The following HEXIM2 variants were observed in gnomAD, a reference collection of about 807,000 sequenced individuals.
HEXIM2 encodes the protein HEXIM P-TEFb complex subunit 2, also known as protein HEXIM2.
For missense variants in HEXIM2, 413 were observed against 390.8 expected (o/e 1.06, Z -0.48); for synonymous variants, 159 against 162.7 (o/e 0.98, Z 0.17).
At chr17:45,165,770 T>C (rs1451506000) in intron 3 of HEXIM2, among the ~76,000 whole-genome samples, 1 of 135,494 alleles carries the variant, frequency 7.4e-6, no homozygotes, top group Non-Finnish European at 1.5e-5. Context: ...ATTTTATTTT[T>C]TAATTTAATT....
chr17:45,160,807 A>G (rs1448886638), upstream of HEXIM2: 2 of 743,674 alleles, frequency 2.7e-6, no homozygotes, highest in Non-Finnish European at 4.1e-6. Context: ...AGAGACCTTC[A>G]GGCACCGAGC....
Position 45,169,641 on chromosome 17 carries a change from T to C in HEXIM2, c.693T>C (p.Thr231=), listed in dbSNP as rs952295324. The part of the protein sequence containing the change: ...EKRLSQAEEE[T]RRLQQLQACT... ...GGCTGTCGCAGGCGGAGGAGGAGACTAGGAGGCTGCAGCAGCTGCAGGCGT... is the reference window on the plus strand; with the variant it reads ...GGCTGTCGCAGGCGGAGGAGGAGACCAGGAGGCTGCAGCAGCTGCAGGCGT... The change falls in exon 4 of 4, where the codon ACT becomes ACC. Residue 231 remains threonine, a synonymous_variant. Coordinates refer to ENST00000589230, the MANE Select transcript of HEXIM2 (RefSeq NM_001303441.2). 1.3e-6 allele frequency: 2 copies of C among 1,532,802 alleles called. No individual in the cohort carries two copies. The highest frequency in any genetic ancestry group is 1.4e-5 in the African/African-American group (1 of 72,054). 95.0% of individuals were successfully genotyped at this position (1,532,802 alleles called of 1,614,324 possible). A position where few individuals can be genotyped will look rare whatever the true frequency, so the allele number is the denominator to read the frequency against.
At chr17:45,166,840 A>G (rs1355383132) in intron 3 of HEXIM2, among the ~76,000 whole-genome samples, 2 of 152,126 alleles carry the variant, frequency 1.3e-5, no homozygotes, top group East Asian at 3.9e-4. Flanking sequence ...CCTGGCCAAC[A>G]TGGTGAAACC....
chr17:45,162,652 T>C lies in HEXIM2; in HGVS notation c.-45+17T>C, dbSNP rs1598129340. The stretch of plus-strand genomic sequence containing the variant: ...AGAATAAGGGTATGAAGGGCTGGGG[T>C]ACAAAATGGCTGCCACTGCCTGGGC... On this transcript the variant is annotated intron_variant, in intron 2 of 3. Transcript: ENST00000589230. The C allele has an allele frequency of 1.9e-6, 3 of 1,539,234 alleles. No homozygotes were observed. The East Asian group carries it at 7.0e-5, about 36-fold the overall frequency.
chr17:45,163,786 T>A (rs1410838699), intron 3 of HEXIM2, among the ~76,000 whole-genome samples: 1 of 151,830 alleles, frequency 6.6e-6, no homozygotes, highest in Non-Finnish European at 1.5e-5. Flanking sequence ...GATGCAGAGG[T>A]TGCAGTGAGC....
Position 45,162,817 on chromosome 17 carries a change from C to T in HEXIM2, c.24C>T (p.Thr8=), listed in dbSNP as rs186910629. Residue 8 remains threonine, a synonymous_variant, in exon 3 of 4, where the codon ACC becomes ACT. Coordinates refer to ENST00000589230, the MANE Select transcript of HEXIM2 (RefSeq NM_001303441.2). MMATPNQ[T]ACNAESPVAL... is the part of the protein sequence containing the mutation. ...AGATGATGGCCACTCCGAACCAGAC[C>T]GCCTGTAATGCAGAGTCACCAGTGG... 83 of 1,613,802 alleles carry T rather than the reference C, an allele frequency of 5.1e-5. No homozygotes were observed. Among genetic ancestry groups the T allele is most frequent in the African/African-American group, 8.0e-5 (6 of 75,000 alleles).
Position 45,169,263 on chromosome 17 carries a change from C to T in HEXIM2, c.315C>T (p.Tyr105=). The T allele has an allele frequency of 1.2e-6, 2 of 1,613,830 alleles. No individual in the cohort carries two copies. Among genetic ancestry groups the T allele is most frequent in the Admixed American group, 1.7e-5 (1 of 60,026 alleles). The change falls in exon 4 of 4, where the codon TAC becomes TAT. Residue 105 remains tyrosine (Y), a synonymous_variant. Transcript: ENST00000589230. ...AGCGCAAAAGGCACTGGCGACCCTA[C>T]CTGGAGCTGAGCTGGGCTGAGAAAC... ...PSKRKRHWRP[Y]LELSWAEKQQ...
chr17:45,168,751 A>G (rs1335746554), intron 3 of HEXIM2: 6 of 458,402 alleles, frequency 1.3e-5, no homozygotes, highest in Non-Finnish European at 1.9e-5. Flanking sequence ...ACTCAGTGCC[A>G]GGTATTATTC....
chr17:45,160,464 A>G (rs1033895098), upstream of HEXIM2, among the ~76,000 whole-genome samples: 1 of 152,180 alleles, frequency 6.6e-6, no homozygotes, highest in Admixed American at 6.6e-5. Flanking sequence ...CAAAGATTAC[A>G]TTGGAATTGG....
chr17:45,166,562 G>A (rs1000098491), intron 3 of HEXIM2, among the ~76,000 whole-genome samples: 1 of 152,164 alleles, frequency 6.6e-6, no homozygotes, highest in Non-Finnish European at 1.5e-5. Context: ...GACGAGATGC[G>A]TTCTCACATG....
chr17:45,161,681 C>T, upstream of HEXIM2: 1 of 233,378 alleles, frequency 4.3e-6, no homozygotes, highest in Non-Finnish European at 7.0e-6. Context: ...CACAGCTAAT[C>T]GTTGCCAAAA....
chr17:45,160,355 T>C (rs923472727), upstream of HEXIM2, among the ~76,000 whole-genome samples: 53 of 152,186 alleles, frequency 3.5e-4, no homozygotes, highest in African/African-American at 1.2e-3. Flanking sequence ...AAATTGAGGT[T>C]ACCTAGTAAC....
Position 45,163,597 on chromosome 17 carries a change from C to T in HEXIM2, c.66+738C>T, listed in dbSNP as rs572251775. On this transcript the variant is annotated intron_variant, in intron 3 of 3. Transcript: ENST00000589230. The stretch of plus-strand genomic sequence containing the variant: ...GAAGCAGGAAGAAGAGTTTTTGGTT[C>T]ATAATTTGGAATGGACCCAGGCAGG... 3.9e-5 allele frequency among the ~76,000 whole-genome samples: 6 copies of T among 152,282 alleles called. 1 individual carries two copies. The highest frequency in any genetic ancestry group is 1.4e-4 in the African/African-American group (6 of 41,562).
At chr17:45,160,759 C>T (rs749284843), upstream of HEXIM2, 11 of 454,716 alleles carry the variant, frequency 2.4e-5, no homozygotes, top group Middle Eastern at 3.3e-4. Context: ...TCCGGAGAAT[C>T]GGGGCTGAAT....
chr17:45,163,325 C>CAAAAAAA (rs11423159), intron 3 of HEXIM2, among the ~76,000 whole-genome samples: 2 of 78,798 alleles, frequency 2.5e-5, no homozygotes, highest in South Asian at 5.0e-4. Context: ...GACTCCGTCT[C>CAAAAAAA]AAAAAAAAAA....
chr17:45,161,766 G>C (rs1029186475), upstream of HEXIM2: 13 of 926,610 alleles, frequency 1.4e-5, no homozygotes, highest in Non-Finnish European at 1.7e-5. Flanking sequence ...CCCGCGCAAG[G>C]GTAGATGGGT....
upstream of HEXIM2, chr17:45,160,911 CG>C: frequency 7.8e-7 from 1 of 1,289,700 alleles, no homozygotes; most frequent in Non-Finnish European, 1.0e-6. Context: ...TTTCGCAACC[CG>C]GGCGGCGAGA....
chr17:45,163,738 A>C (rs1234799713), intron 3 of HEXIM2, among the ~76,000 whole-genome samples: 1 of 151,854 alleles, frequency 6.6e-6, no homozygotes, highest in African/African-American at 2.4e-5. Flanking sequence ...AATACCAGCT[A>C]CTCAGGAGGC....
chr17:45,163,318 T>C (rs2042754282), intron 3 of HEXIM2, among the ~76,000 whole-genome samples: 1 of 93,500 alleles, frequency 1.1e-5, no homozygotes, highest in South Asian at 3.5e-4. Flanking sequence ...AGAGCGAGAC[T>C]CCGTCTCAAA....
Sources: allele counts gnomAD v4.1 joint callset (sites outside exome capture counted in the v4.1 genomes callset), GRCh38; gene constraint gnomAD v4.1.1; transcripts MANE v1.5; gene names NCBI Gene and HGNC (gene_info 2026-07-23, HGNC 2026-07-21).